GAA: variants seen among roughly 807,000 people sequenced by gnomAD.
GAA encodes lysosomal alpha-glucosidase.
GAA carries 88 observed loss-of-function variants against 103.9 expected under a neutral mutation model. That is an observed-to-expected ratio of 0.85 (90% CI 0.71 to 1.01). The LOEUF (loss-of-function observed/expected upper bound fraction) is 1.01, where lower values mean the gene tolerates loss of function less well. Ranked by LOEUF, GAA falls within the 50% of genes least tolerant of loss-of-function variation. The pLI is 0.00. For synonymous variants in GAA, 572 were observed against 563.1 expected (o/e 1.02, Z -0.22); for missense variants, 1,350 against 1,305.3 (o/e 1.03, Z -0.53).
rs760379754 is a variant in GAA, at chr17:80,107,544, C to T, written c.693-13C>T. 4 of 1,612,910 alleles carry T rather than the reference C, an allele frequency of 2.5e-6. No homozygotes were observed. The highest frequency in any genetic ancestry group is 1.6e-4 in the Middle Eastern group (1 of 6,062). ...TTGGGTGTGAGCAAGCCTGGCTGGC[C>T]TCTGTCCCGCAGGCTGAACACGACG... On this transcript the variant is annotated splice_polypyrimidine_tract_variant and intron_variant, in intron 3 of 19. Transcript: ENST00000302262.
chr17:80,105,494 C>G (rs1173221813), intron 2 of GAA, among the ~76,000 whole-genome samples: 1 of 152,182 alleles, frequency 6.6e-6, no homozygotes, highest in Non-Finnish European at 1.5e-5. Flanking sequence ...TGTATTTATA[C>G]TAGAAAAGCT....
At chr17:80,110,863 C>A (rs1183849001) in intron 10 of GAA, 23 bp downstream of exon 10, 1 of 1,612,500 alleles carries the variant, frequency 6.2e-7, no homozygotes, top group African/African-American at 1.3e-5. Flanking sequence ...CCCTCCTGAG[C>A]ATCCCCAAGG....
intron 12 of GAA, 176 bp from the exon 13 acceptor site, chr17:80,112,402 G>T (rs914452259): frequency 3.5e-5 from 28 of 791,370 alleles, no homozygotes; most frequent in Non-Finnish European, 5.7e-5. Context: ...ACAGGCATCA[G>T]GTGGCCCAGA....
chr17:80,103,827 G>A (rs1372381426), intron 1 of GAA, among the ~76,000 whole-genome samples: 1 of 152,170 alleles, frequency 6.6e-6, no homozygotes, highest in African/African-American at 2.4e-5. Context: ...CTCAGCTGCG[G>A]TGCCCAGGAT....
In GAA at chr17:80,113,016, C is replaced by T. The variant is rs1272817506; in HGVS notation, c.2029C>T (p.Leu677=). The T allele has an allele frequency of 6.2e-7, 1 of 1,610,048 alleles. No homozygotes were observed. The highest frequency in any genetic ancestry group is 8.5e-7 in the Non-Finnish European group (1 of 1,178,838). The change falls in exon 14 of 20, where the codon CTG becomes TTG. Residue 677 remains leucine (L), a synonymous_variant. Transcript: ENST00000302262. ...CCCCTTCATGCGGAACCACAACAGC[C>T]TGCTCAGTCTGGTAGGGTGGGGGTG... The part of the protein sequence containing the change: ...FYPFMRNHNS[L]LSLPQEPYSF...
At position 80,113,993 on chromosome 17, in the gene GAA, G is replaced by A. The variant is rs544400648; in HGVS notation, c.2189+627G>A. ...AGATCGCGCCACTGTACTCCAGCCT[G>A]TGTGACTCCATCTCAAAAAAAAAAA... On this transcript the variant is annotated intron_variant, in intron 15 of 19. Transcript: ENST00000302262. 1.2e-3 allele frequency among the ~76,000 whole-genome samples: 174 copies of A among 149,764 alleles called. 1 individual carries two copies. The highest frequency in any genetic ancestry group is 7.8e-4 in the Non-Finnish European group (53 of 67,724).
At chr17:80,112,548 C>T in intron 12 of GAA, 30 bp from the exon 13 acceptor site, 1 of 1,612,614 alleles carries the variant, frequency 6.2e-7, no homozygotes, top group Non-Finnish European at 8.5e-7. Context: ...CCGCTCCACA[C>T]AGCCCTCACG....
intron 5 of GAA, 29 bp from the exon 6 acceptor site, chr17:80,108,261 C>A: frequency 6.2e-7 from 1 of 1,613,310 alleles, no homozygotes; most frequent in Admixed American, 1.7e-5. Context: ...AGAATCTGTC[C>A]CCCAACCCCA....
chr17:80,109,910 G>C, intron 8 of GAA, 35 bp from the exon 9 acceptor site: 1 of 1,561,320 alleles, frequency 6.4e-7, no homozygotes, highest in Non-Finnish European at 8.8e-7. Flanking sequence ...AGGGCTCTGG[G>C]CCACCCTCAC....
rs7221604 is a variant in GAA at position 80,113,629 on chromosome 17, G to A, written c.2189+263G>A. 0.65 allele frequency among the ~76,000 whole-genome samples: 98,462 copies of A among 152,138 alleles called. 32,864 individuals are homozygous for A. The highest frequency in any genetic ancestry group is 0.85 in the Middle Eastern group (249 of 294). Reference sequence around the variant, plus strand: ...TGTTGAGGGAGGATTCCCAGAGAGTGAGGTGATTAGTTAACTATTTGCAGA... The same window carrying A: ...TGTTGAGGGAGGATTCCCAGAGAGTAAGGTGATTAGTTAACTATTTGCAGA... On this transcript the variant is annotated intron_variant, in intron 15 of 19. Coordinates refer to ENST00000302262, the MANE Select transcript of GAA (RefSeq NM_000152.5).
chr17:80,107,116 C>T (rs12602440), intron 3 of GAA, among the ~76,000 whole-genome samples: 99,267 of 151,690 alleles, frequency 0.65, 33,322 homozygotes, highest in Middle Eastern at 0.85. Flanking sequence ...TTGCACTTGA[C>T]CCCCAGCAAA....
chr17:80,105,445 A>G (rs544449860), intron 2 of GAA, among the ~76,000 whole-genome samples: 6 of 152,370 alleles, frequency 3.9e-5, no homozygotes, highest in African/African-American at 1.4e-4. Context: ...TACCCCAGGC[A>G]TGACTTTGTT....
chr17:80,109,897 G>C, intron 8 of GAA, 48 bp from the exon 9 acceptor site: 1 of 1,454,472 alleles, frequency 6.9e-7, no homozygotes, highest in Non-Finnish European at 9.6e-7. Flanking sequence ...CGTGGCTGGC[G>C]CCAGGGCTCT....
chr17:80,116,791 TG>T, intron 15 of GAA, 176 bp from the exon 16 acceptor site: 2 of 681,992 alleles, frequency 2.9e-6, no homozygotes, highest in African/African-American at 3.5e-5. Context: ...GCTCCGGCAT[TG>T]ACTTCTATCT....
In GAA at chr17:80,119,493, G is replaced by C; in HGVS notation, c.*162G>C. On this transcript the variant is annotated 3_prime_UTR_variant, in exon 20 of 20. Transcript: ENST00000302262. ...CCGCATCGCTTGTTTCCACCTCCTG[G>C]GCCGGGGCTCTGGCCCCCAACGTGT... The C allele has an allele frequency of 2.9e-6, 2 of 693,362 alleles. No individual in the cohort carries two copies. Among genetic ancestry groups the C allele is most frequent in the Non-Finnish European group, 5.2e-6 (2 of 383,576 alleles). The allele number at this position is 693,362 out of a possible 1,614,324, so 43.0% of individuals were successfully genotyped here. A position where few individuals can be genotyped will look rare whatever the true frequency, so the allele number is the denominator to read the frequency against.
intron 15 of GAA, among the ~76,000 whole-genome samples, chr17:80,115,414 T>A (rs1241110298): frequency 6.6e-6 from 1 of 152,220 alleles, no homozygotes; most frequent in African/African-American, 2.4e-5. Flanking sequence ...AGAATTTCTG[T>A]TTCATTCCTT....
rs2143849151 is a variant in GAA, at chr17:80,107,813, T to C, written c.872T>C (p.Leu291Pro). 1 of 1,611,838 alleles carries C rather than the reference T, an allele frequency of 6.2e-7. No homozygotes were observed. The highest frequency in any genetic ancestry group is 8.5e-7 in the Non-Finnish European group (1 of 1,179,546). Residue 291 changes from leucine to proline, a missense_variant, in exon 5 of 20, where the codon CTC (leucine) becomes CCC (proline). Leu to Pro is a moderately conservative substitution (Grantham distance 98). Transcript: ENST00000302262. ...TGCATGTCCCAGCCCGGTGCGAACC[T>C]CTACGGGTCTCACCCTTTCTACCTG... The part of the protein sequence containing the change: ...RDLAPTPGAN[L>P]YGSHPFYLAL...
chr17:80,115,584 A>G (rs2039339857), intron 15 of GAA, among the ~76,000 whole-genome samples: 1 of 152,160 alleles, frequency 6.6e-6, no homozygotes, highest in South Asian at 2.1e-4. Flanking sequence ...TTCTCTAGGG[A>G]CAATTTTTAT....
intron 3 of GAA, among the ~76,000 whole-genome samples, chr17:80,106,255 C>T (rs1377024684): frequency 2.0e-5 from 3 of 152,300 alleles, no homozygotes; most frequent in Admixed American, 1.3e-4. Flanking sequence ...ACGCACTGAC[C>T]CTCCGTGCCG....
Sources: gnomAD v4.1 joint callset for allele counts (sites outside exome capture counted in the v4.1 genomes callset) on GRCh38, gnomAD v4.1.1 for gene constraint, MANE v1.5 for transcripts, NCBI Gene and HGNC (gene_info 2026-07-23, HGNC 2026-07-21) for gene names.